Variants in SLC6A12 observed in about 807,000 individuals in gnomAD.
The protein encoded by SLC6A12 is solute carrier family 6 member 12.
SLC6A12 carries 50 observed loss-of-function variants against 73.3 expected under a neutral mutation model. That is an observed-to-expected ratio of 0.68 (90% CI 0.54 to 0.86). SLC6A12 has a LOEUF of 0.86. Among genes scored for constraint, SLC6A12 ranks in the 40% least tolerant of loss-of-function variants. SLC6A12 has a pLI of 0.00. For synonymous variants in SLC6A12, 304 were observed against 309.2 expected (o/e 0.98, Z 0.18); for missense variants, 648 against 772.8 (o/e 0.84, Z 1.92).
chr12:197,491 C>A lies in SLC6A12; in HGVS notation c.961G>T (p.Ala321Ser). The change falls in exon 10 of 16, where the codon GCC becomes TCC. Residue 321 changes from alanine to serine, a missense_variant. Coordinates refer to ENST00000684302, the MANE Select transcript of SLC6A12 (RefSeq NM_001122848.3). ...YHNNCYKDCI[A>S]LCFLNSATSF... is the part of the protein sequence containing the mutation. ...GTGGCACTGTTCAGGAAGCAGAGGG[C>A]GATGCAGTCCCTGTGGGAGTGGGGC... 6.2e-7 allele frequency: 1 copy of A among 1,612,650 alleles called. No homozygotes were observed. The highest frequency in any genetic ancestry group is 2.2e-5 in the East Asian group (1 of 44,816).
downstream of SLC6A12, among the ~76,000 whole-genome samples, chr12:188,609 G>T (rs1473060925): frequency 1.3e-5 from 2 of 152,202 alleles, no homozygotes; most frequent in Non-Finnish European, 2.9e-5. Flanking sequence ...CTGGGGGCAC[G>T]CTGTCACCTC....
chr12:184,745 G>A, the SLC6A12 span, among the ~76,000 whole-genome samples: 4 of 146,000 alleles, frequency 2.7e-5, no homozygotes, highest in East Asian at 2.1e-4. Flanking sequence ...GCAAGACTCC[G>A]TCTCAAAAAT....
chr12:205,074 A>C (rs1161936141), intron 3 of SLC6A12: 1 of 190,338 alleles, frequency 5.3e-6, no homozygotes, highest in Admixed American at 5.4e-5. Context: ...CTCTTGGTAC[A>C]TTTTAGAGAA....
downstream of SLC6A12, among the ~76,000 whole-genome samples, chr12:185,192 G>A (rs972874369): frequency 7.2e-5 from 11 of 152,240 alleles, no homozygotes; most frequent in African/African-American, 2.4e-4. Context: ...GCTGGACAGT[G>A]AGCCCAGGTC....
Position 196,294 on chromosome 12 carries a change from T to C in SLC6A12, c.1189-33A>G. ...CCAGGAGGGGAACTGGATGAGAGGG[T>C]GTGGGGCGGGCTGTTGGCCACCAGC... On this transcript the variant is annotated intron_variant, in intron 11 of 15. Coordinates refer to ENST00000684302, the MANE Select transcript of SLC6A12 (RefSeq NM_001122848.3). 3 of 1,595,376 alleles carry C rather than the reference T, an allele frequency of 1.9e-6. No homozygotes were observed. The Middle Eastern group carries it at 5.5e-4, about 294-fold the overall frequency.
chr12:185,898 T>G (rs985639834), downstream of SLC6A12, among the ~76,000 whole-genome samples: 2 of 152,218 alleles, frequency 1.3e-5, no homozygotes, highest in African/African-American at 4.8e-5. Flanking sequence ...GGCCGCTGCA[T>G]CAATGGGTGG....
downstream of SLC6A12, among the ~76,000 whole-genome samples, chr12:186,642 T>C (rs117788833): frequency 1.6e-4 from 24 of 152,356 alleles, no homozygotes; most frequent in African/African-American, 4.8e-4. Context: ...GTGGGAGGCC[T>C]GGATTCCACG....
chr12:210,397 G>T (rs1431923061), intron 2 of SLC6A12: 5 of 1,100,016 alleles, frequency 4.5e-6, no homozygotes, highest in Non-Finnish European at 5.6e-6. Context: ...TCTGCTGAGT[G>T]ACCTCAGCCT....
chr12:186,588 CG>C (rs555825169), downstream of SLC6A12, among the ~76,000 whole-genome samples: 65 of 152,314 alleles, frequency 4.3e-4, no homozygotes, highest in East Asian at 0.012. Context: ...TACATTTCCA[CG>C]CAGTGTATTC....
At chr12:187,170 C>T (rs1939445914), downstream of SLC6A12, among the ~76,000 whole-genome samples, 1 of 152,142 alleles carries the variant, frequency 6.6e-6, no homozygotes, top group South Asian at 2.1e-4. Flanking sequence ...CCAGATTTGG[C>T]CTCTGTTCAC....
rs561309992 is a variant in SLC6A12, at chr12:200,307, A to G, written c.711+344T>C. Among the ~76,000 whole-genome samples, 689 of 150,552 alleles carry G rather than the reference A, an allele frequency of 4.6e-3. 9 individuals carry two copies. The highest frequency in any genetic ancestry group is 0.016 in the African/African-American group (638 of 40,364). ...GTATTTTTAGTAGAGACGGGGTTTT[A>G]CCGTGTTAGCCAGGATGGTCTCGAT... On this transcript the variant is annotated intron_variant, in intron 7 of 15. Transcript: ENST00000684302.
At position 200,670 on chromosome 12, in the gene SLC6A12, C is replaced by G. The variant is rs368984610; in HGVS notation, c.692G>C (p.Gly231Ala). 23 of 1,613,994 alleles carry G rather than the reference C, an allele frequency of 1.4e-5. No individual in the cohort carries two copies. The highest frequency in any genetic ancestry group is 1.8e-5 in the Non-Finnish European group (21 of 1,180,018). ...TCTCACCTTGCCTGTGGACTTGACC[C>G]CCTTCCAGATGCAGAAATAGCAGAT... ...WVICYFCIWKGVKSTGKVVYF... is the reference protein window; with the variant it reads ...WVICYFCIWKAVKSTGKVVYF... The change falls in exon 7 of 16, where the codon GGG (glycine) becomes GCG (alanine). Residue 231 changes from glycine (G) to alanine (A), a missense_variant. Coordinates refer to ENST00000684302, the MANE Select transcript of SLC6A12 (RefSeq NM_001122848.3).
In SLC6A12 at chr12:198,959, A is replaced by T. The variant is rs751030854; in HGVS notation, c.712-28T>A. On this transcript the variant is annotated intron_variant, in intron 7 of 15. Coordinates refer to ENST00000684302, the MANE Select transcript of SLC6A12 (RefSeq NM_001122848.3). This position sits in a 1 kb window ranked among gnomAD's most constrained non-coding sequence, Gnocchi z 4.0. ...GGAGGTGGGGGGACAGGCCAAGGTCACTCCTGGTGGGGACGCAGTGGCCCT... is the reference window on the plus strand; with the variant it reads ...GGAGGTGGGGGGACAGGCCAAGGTCTCTCCTGGTGGGGACGCAGTGGCCCT... The T allele has an allele frequency of 6.2e-7, 1 of 1,612,798 alleles. No individual in the cohort carries two copies. The highest frequency in any genetic ancestry group is 1.1e-5 in the South Asian group (1 of 91,032).
chr12:192,338 G>T (rs1361425567), intron 15 of SLC6A12, 140 bp downstream of exon 15: 1 of 716,330 alleles, frequency 1.4e-6, no homozygotes, highest in Non-Finnish European at 2.3e-6. Flanking sequence ...AGTTCGTCTC[G>T]TTAAGATTCT....
downstream of SLC6A12, among the ~76,000 whole-genome samples, chr12:188,383 GA>G (rs1939478697): frequency 6.6e-6 from 1 of 152,066 alleles, no homozygotes; most frequent in African/African-American, 2.4e-5. Context: ...GGGGCCCGCC[GA>G]GCCCACGCCC....
chr12:212,514 T>G (rs571585001), intron 1 of SLC6A12, among the ~76,000 whole-genome samples: 137 of 152,310 alleles, frequency 9.0e-4, no homozygotes, highest in Non-Finnish European at 1.5e-3. Context: ...GCAACATGAT[T>G]TTTTAAAAAT....
intron 6 of SLC6A12, 97 bp downstream of exon 6, chr12:201,665 A>C: frequency 2.1e-6 from 2 of 966,202 alleles, no homozygotes; most frequent in Non-Finnish European, 3.3e-6. Flanking sequence ...TGGAAAGCAC[A>C]CACAGAATCT....
intron 3 of SLC6A12, among the ~76,000 whole-genome samples, chr12:209,047 C>T (rs916582329): frequency 3.9e-5 from 6 of 152,132 alleles, no homozygotes; most frequent in Non-Finnish European, 7.3e-5. Flanking sequence ...TCTGCCCTCA[C>T]CCGGTTATTC....
intron 10 of SLC6A12, among the ~76,000 whole-genome samples, 185 bp from the exon 11 acceptor site, chr12:197,067 A>G (rs371192940): frequency 0.015 from 2,309 of 149,810 alleles, 9 homozygotes; most frequent in South Asian, 0.1. Flanking sequence ...CCATCCATCC[A>G]TCTACCCATC....
Sources: gnomAD v4.1 joint callset for allele counts (sites outside exome capture counted in the v4.1 genomes callset) on GRCh38, gnomAD v4.1.1 for gene constraint, Gnocchi (gnomAD v3.1) non-coding constraint, MANE v1.5 for transcripts, NCBI Gene and HGNC (gene_info 2026-07-23, HGNC 2026-07-21) for gene names.